The following TENM4 variants were observed in gnomAD, a reference collection of about 807,000 sequenced individuals.
TENM4 encodes the protein teneurin transmembrane protein 4, also known as teneurin-4.
TENM4 carries 82 observed loss-of-function variants against 243.3 expected under a neutral mutation model. The ratio of observed to expected loss-of-function variants is 0.34; its 90% CI spans 0.28 to 0.40. TENM4 has a LOEUF of 0.40. Among genes scored for constraint, TENM4 ranks in the 10% least tolerant of loss-of-function variants. The pLI is 1.00. For synonymous variants in TENM4, 1,412 were observed against 1,456.3 expected (o/e 0.97, Z 0.69); for missense variants, 3,138 against 3,673.3 (o/e 0.85, Z 3.77).
Position 78,805,279 on chromosome 11 carries a change from C to CCCACCCAACACACCCCA in TENM4, c.2179+12_2179+13insTGGGGTGTGTTGGGTGG. ...CCTCCCTCTACCCATGCTTCTTCTCCCCCTGCATTTACCGATAGAACAGTC... is the reference window on the plus strand; with the variant it reads ...CCTCCCTCTACCCATGCTTCTTCTCCCCACCCAACACACCCCACCCTGCATTTACCGATAGAACAGTC... On this transcript the variant is annotated intron_variant, in intron 15 of 33. Transcript: ENST00000278550. 2.6e-6 allele frequency: 4 copies of CCCACCCAACACACCCCA among 1,512,306 alleles called. No homozygotes were observed. The highest frequency in any genetic ancestry group is 2.7e-6 in the Non-Finnish European group (3 of 1,117,006). The allele number at this position is 1,512,306 out of a possible 1,614,324, so 93.7% of individuals were successfully genotyped here.
At chr11:79,068,983 G>A (rs12288416) in intron 5 of TENM4, among the ~76,000 whole-genome samples, 2 of 152,036 alleles carry the variant, frequency 1.3e-5, no homozygotes, top group African/African-American at 2.4e-5. Flanking sequence ...GGCTAGAGGC[G>A]GGCAGCTCTG....
chr11:78,731,034 G>A (rs1459181109), intron 21 of TENM4, among the ~76,000 whole-genome samples: 1 of 152,186 alleles, frequency 6.6e-6, no homozygotes, highest in African/African-American at 2.4e-5. Flanking sequence ...TGAGAGGACT[G>A]GGAAAATCCA....
At chr11:78,893,206 C>T (rs1855707094) in intron 7 of TENM4, among the ~76,000 whole-genome samples, 1 of 152,220 alleles carries the variant, frequency 6.6e-6, no homozygotes, top group Non-Finnish European at 1.5e-5. Context: ...GGACATCCCT[C>T]AGAGTGGCTC....
chr11:78,665,811 G>A lies in TENM4; in HGVS notation c.7408+3126C>T, dbSNP rs377291509. ...ATGATGTACATGATATATCTGTAGCGGACATTTTTTGGTTGCCTTCCCAGC... is the reference window on the plus strand; with the variant it reads ...ATGATGTACATGATATATCTGTAGCAGACATTTTTTGGTTGCCTTCCCAGC... On this transcript the variant is annotated intron_variant, in intron 32 of 33. Transcript: ENST00000278550. Among the ~76,000 whole-genome samples the A allele has an allele frequency of 1.7e-3, 261 of 152,236 alleles. 2 individuals carry two copies. Among genetic ancestry groups the A allele is most frequent in the African/African-American group, 5.9e-3 (244 of 41,528 alleles).
chr11:79,025,506 A>G (rs1399728521), intron 6 of TENM4, among the ~76,000 whole-genome samples: 1 of 152,244 alleles, frequency 6.6e-6, no homozygotes, highest in Non-Finnish European at 1.5e-5. Context: ...CAGCATAAGT[A>G]GCTATCATTT....
chr11:79,381,623 T>C (rs1284172035), intron 1 of TENM4, among the ~76,000 whole-genome samples: 2 of 150,534 alleles, frequency 1.3e-5, no homozygotes, highest in East Asian at 3.9e-4. Flanking sequence ...AGTGAGTCAG[T>C]AAGCATTGGG....
rs1219578501 is a variant in TENM4, at chr11:78,903,258, G to C, written c.749+10C>G. ...CCTCCTCAGCCTCACCCTCCCTACC[G>C]GCCGCGCACCTGGTCTCCAGGGGGA... On this transcript the variant is annotated intron_variant, in intron 7 of 33. Transcript: ENST00000278550. 1 of 1,486,818 alleles carries C rather than the reference G, an allele frequency of 6.7e-7. No homozygotes were observed. Among genetic ancestry groups the C allele is most frequent in the Non-Finnish European group, 8.9e-7 (1 of 1,123,972 alleles). 92.1% of individuals were successfully genotyped at this position (1,486,818 alleles called of 1,614,324 possible).
chr11:79,276,908 TC>T (rs1856066477), intron 2 of TENM4, among the ~76,000 whole-genome samples: 1 of 151,192 alleles, frequency 6.6e-6, no homozygotes, highest in East Asian at 2.0e-4. Context: ...CCTTCCCCCA[TC>T]CCCCCAACTT....
At chr11:78,909,642 G>A (rs1448702923) in intron 6 of TENM4, among the ~76,000 whole-genome samples, 1 of 152,260 alleles carries the variant, frequency 6.6e-6, no homozygotes, top group African/African-American at 2.4e-5. Flanking sequence ...CACAGGTATG[G>A]AGGGCAGCTG....
intron 6 of TENM4, among the ~76,000 whole-genome samples, chr11:78,930,726 T>C (rs539042261): frequency 1.3e-5 from 2 of 152,358 alleles, no homozygotes; most frequent in African/African-American, 2.4e-5. Context: ...CAGGAAATCT[T>C]ATCCAAAAAA....
chr11:78,802,941 A>G (rs910343587), intron 15 of TENM4, among the ~76,000 whole-genome samples: 5 of 152,226 alleles, frequency 3.3e-5, no homozygotes, highest in African/African-American at 9.6e-5. Flanking sequence ...CTTTGTTAAT[A>G]TCAAGTGCTC....
intron 5 of TENM4, 64 bp from the exon 6 acceptor site, chr11:79,065,071 T>C: frequency 1.4e-6 from 2 of 1,428,992 alleles, no homozygotes; most frequent in Admixed American, 3.0e-5. Flanking sequence ...TGCCTCTGCC[T>C]GAAGCCTGGC....
intron 1 of TENM4, among the ~76,000 whole-genome samples, chr11:79,339,607 A>G (rs1047420513): frequency 2.0e-5 from 3 of 152,136 alleles, no homozygotes; most frequent in African/African-American, 7.2e-5. Flanking sequence ...CAGATGAAGA[A>G]GCTGAGGCCC....
At chr11:78,971,107 T>C (rs1857536663) in intron 6 of TENM4, among the ~76,000 whole-genome samples, 1 of 152,164 alleles carries the variant, frequency 6.6e-6, no homozygotes, top group Non-Finnish European at 1.5e-5. Context: ...TACTGTGGCC[T>C]TGAACTCCCG....
chr11:79,245,586 AT>A (rs1026249163), intron 2 of TENM4, among the ~76,000 whole-genome samples: 1 of 152,184 alleles, frequency 6.6e-6, no homozygotes, highest in Admixed American at 6.5e-5. Context: ...GTTAAATGAG[AT>A]GTCACGTGAA....
At chr11:79,018,613 A>G (rs1395754905) in intron 6 of TENM4, among the ~76,000 whole-genome samples, 1 of 152,160 alleles carries the variant, frequency 6.6e-6, no homozygotes. Context: ...CTGTCTCGGT[A>G]GGAAAGAGTG....
chr11:78,872,409 C>T (rs1368471107), intron 9 of TENM4, among the ~76,000 whole-genome samples: 1 of 152,220 alleles, frequency 6.6e-6, no homozygotes, highest in Non-Finnish European at 1.5e-5. Context: ...CCTGTTCAAA[C>T]TGCTCTGCTG....
chr11:78,982,961 G>T (rs1857834715), intron 6 of TENM4, among the ~76,000 whole-genome samples: 2 of 152,198 alleles, frequency 1.3e-5, no homozygotes, highest in Admixed American at 6.5e-5. Context: ...CCACACAGTG[G>T]CCTGGGTCTG....
At chr11:79,160,621 A>G (rs967093976) in intron 3 of TENM4, among the ~76,000 whole-genome samples, 1 of 152,162 alleles carries the variant, frequency 6.6e-6, no homozygotes, top group Non-Finnish European at 1.5e-5. Context: ...GGGTTACTAC[A>G]GTGACAGGTG....
Sources: gnomAD v4.1 joint callset for allele counts (sites outside exome capture counted in the v4.1 genomes callset) on GRCh38, gnomAD v4.1.1 for gene constraint, MANE v1.5 for transcripts, NCBI Gene and HGNC (gene_info 2026-07-23, HGNC 2026-07-21) for gene names.